Variants in YTHDC2 observed in about 807,000 individuals in gnomAD.
YTHDC2 encodes 3'-5' RNA helicase YTHDC2.
YTHDC2 carries 45 observed loss-of-function variants against 174.9 expected under a neutral mutation model. That is an observed-to-expected ratio of 0.26 (90% CI 0.20 to 0.33). The LOEUF (loss-of-function observed/expected upper bound fraction) is 0.33. Ranked by LOEUF, YTHDC2 falls within the 10% of genes least tolerant of loss-of-function variation. The probability of loss-of-function intolerance (pLI) is 1.00; values close to 1 mark genes in which losing one functional copy is unlikely to be tolerated. For missense variants in YTHDC2, 1,650 were observed against 1,723.7 expected (o/e 0.96, Z 0.76); for synonymous variants, 657 against 574.5 (o/e 1.14, Z -2.05).
chr5:113,556,167 G>A (rs779274335), intron 17 of YTHDC2, 33 bp downstream of exon 17: 23 of 1,341,400 alleles, frequency 1.7e-5, no homozygotes, highest in Non-Finnish European at 2.4e-5. Flanking sequence ...TCATTCAATT[G>A]CCTGTAAAAT....
chr5:113,553,742 T>C, intron 14 of YTHDC2, 25 bp from the exon 15 acceptor site: 1 of 1,612,260 alleles, frequency 6.2e-7, no homozygotes, highest in Non-Finnish European at 8.5e-7. Flanking sequence ...TCTTATAGTA[T>C]GTTTTCTCTT....
intron 26 of YTHDC2, among the ~76,000 whole-genome samples, chr5:113,585,320 T>C (rs948510298): frequency 2.0e-5 from 3 of 152,186 alleles, no homozygotes; most frequent in Non-Finnish European, 4.4e-5. Context: ...GTGATGACTT[T>C]ACTGTTTTAG....
At chr5:113,569,357 A>G (rs1777566317) in intron 23 of YTHDC2, among the ~76,000 whole-genome samples, 1 of 152,018 alleles carries the variant, frequency 6.6e-6, no homozygotes, top group African/African-American at 2.4e-5. Context: ...ATTAGATCCC[A>G]TTTGTCAATT....
chr5:113,543,526 TGCAGTA>T (rs1775629679), intron 10 of YTHDC2, among the ~76,000 whole-genome samples: 1 of 152,256 alleles, frequency 6.6e-6, no homozygotes, highest in South Asian at 2.1e-4. Context: ...TCTGGACTAT[TGCAGTA>T]GCCCGTTAAC....
In YTHDC2 at chr5:113,517,902, T is replaced by C. The variant is rs192049069; in HGVS notation, c.278+2540T>C. ...TGACTTTATTTTATTTTATTTTATT[T>C]TTTTGAGATGGAGTCTTGCTCTGTC... On this transcript the variant is annotated intron_variant, in intron 2 of 29. Transcript: ENST00000161863. Among the ~76,000 whole-genome samples, 8 of 152,316 alleles carry C rather than the reference T, an allele frequency of 5.3e-5. No individual in the cohort carries two copies. The East Asian group carries it at 1.5e-3, about 29-fold the overall frequency.
chr5:113,527,096 G>A (rs1774315267), intron 4 of YTHDC2, among the ~76,000 whole-genome samples: 1 of 152,080 alleles, frequency 6.6e-6, no homozygotes, highest in Non-Finnish European at 1.5e-5. Context: ...CTTTGGCCTT[G>A]AATTTAGATT....
At chr5:113,569,701 A>G (rs1479638994) in intron 23 of YTHDC2, among the ~76,000 whole-genome samples, 1 of 151,958 alleles carries the variant, frequency 6.6e-6, no homozygotes, top group African/African-American at 2.4e-5. Flanking sequence ...CCATCATTCT[A>G]TGTGTTTGTT....
intron 2 of YTHDC2, among the ~76,000 whole-genome samples, chr5:113,521,440 A>G (rs1773852143): frequency 6.6e-6 from 1 of 152,188 alleles, no homozygotes; most frequent in Non-Finnish European, 1.5e-5. Flanking sequence ...CATTAAGACC[A>G]GAAAAATAGG....
intron 2 of YTHDC2, 121 bp from the exon 3 acceptor site, chr5:113,524,860 C>T: frequency 1.3e-6 from 1 of 743,498 alleles, no homozygotes; most frequent in Non-Finnish European, 2.0e-6. Flanking sequence ...TCAGCATCTT[C>T]TCCCAAAGCA....
intron 1 of YTHDC2, among the ~76,000 whole-genome samples, chr5:113,514,939 T>A (rs151024968): frequency 6.6e-6 from 1 of 152,350 alleles, no homozygotes; most frequent in East Asian, 1.9e-4. Flanking sequence ...AAGTTAAATA[T>A]GTTCAGTCAT....
intron 8 of YTHDC2, among the ~76,000 whole-genome samples, chr5:113,540,397 T>G (rs976013842): frequency 3.9e-5 from 6 of 152,202 alleles, no homozygotes; most frequent in African/African-American, 1.4e-4. Context: ...AATGCATGAA[T>G]GTATTAGCCC....
intron 26 of YTHDC2, among the ~76,000 whole-genome samples, chr5:113,585,266 C>A (rs531184102): frequency 6.6e-6 from 1 of 151,538 alleles, no homozygotes; most frequent in African/African-American, 2.4e-5. Context: ...TGAAAACTAT[C>A]TTTAAAAAAA....
At chr5:113,557,419 T>C (rs1776685871) in intron 17 of YTHDC2, among the ~76,000 whole-genome samples, 1 of 152,186 alleles carries the variant, frequency 6.6e-6, no homozygotes, top group Non-Finnish European at 1.5e-5. Flanking sequence ...GAGGGCTTTG[T>C]TGTTGTTATG....
chr5:113,591,007 G>A (rs1778974655), intron 26 of YTHDC2, 34 bp from the exon 27 acceptor site: 1 of 1,584,894 alleles, frequency 6.3e-7, no homozygotes, highest in Admixed American at 1.7e-5. Flanking sequence ...GAAAGGTCAG[G>A]TTACCTTTCA....
At chr5:113,531,876 G>C (rs1052264250) in intron 4 of YTHDC2, among the ~76,000 whole-genome samples, 1 of 152,064 alleles carries the variant, frequency 6.6e-6, no homozygotes, top group Admixed American at 6.5e-5. Context: ...CTGCTTTGTT[G>C]GTAGGAGTAT....
chr5:113,593,325 A>G lies in YTHDC2; in HGVS notation c.4235A>G (p.Glu1412Gly). 1 of 1,612,734 alleles carries G rather than the reference A, an allele frequency of 6.2e-7. No individual in the cohort carries two copies. Among genetic ancestry groups the G allele is most frequent in the Non-Finnish European group, 8.5e-7 (1 of 1,179,080 alleles). Reference sequence around the variant, plus strand: ...TAGGAACTAGAACCTCTGGTTGGTGAACAGTTGCTCCAGTTATGGGAACGT... The same window carrying G: ...TAGGAACTAGAACCTCTGGTTGGTGGACAGTTGCTCCAGTTATGGGAACGT... Reference protein sequence around the residue: ...DGQELEPLVGEQLLQLWERLP... With the variant: ...DGQELEPLVGGQLLQLWERLP... Residue 1412 changes from glutamate to glycine, a missense_variant, in exon 29 of 30, where the codon GAA becomes GGA. By Grantham distance (98) the Glu-to-Gly change is moderately conservative. Transcript: ENST00000161863.
chr5:113,536,023 A>G (rs1162051620), intron 7 of YTHDC2, among the ~76,000 whole-genome samples: 1 of 152,176 alleles, frequency 6.6e-6, no homozygotes, highest in Non-Finnish European at 1.5e-5. Context: ...TTAAAAGGAA[A>G]TATGCTTTAT....
At chr5:113,526,360 AT>A (rs33925878) in intron 3 of YTHDC2, among the ~76,000 whole-genome samples, 94,079 of 151,620 alleles carry the variant, frequency 0.62, 31,716 homozygotes, top group African/African-American at 0.9. Context: ...TGATATTGAA[AT>A]TTTGTAACAT....
intron 22 of YTHDC2, 130 bp downstream of exon 22, chr5:113,567,427 T>TATATATATATATATATATATATATA (rs138503872): frequency 2.7e-6 from 1 of 372,290 alleles, no homozygotes; most frequent in Admixed American, 5.4e-5. Context: ...TATATATATA[T>TATATATATATATATATATATATATA]CATTAAATAT....
Sources: gnomAD v4.1 joint callset for allele counts (sites outside exome capture counted in the v4.1 genomes callset) on GRCh38, gnomAD v4.1.1 for gene constraint, MANE v1.5 for transcripts, NCBI Gene and HGNC (gene_info 2026-07-23, HGNC 2026-07-21) for gene names.